Variants in NOS1AP observed in about 807,000 individuals in gnomAD.
NOS1AP encodes the protein carboxyl-terminal PDZ ligand of neuronal nitric oxide synthase protein.
NOS1AP carries 21 observed loss-of-function variants against 56.2 expected under a neutral mutation model. The ratio of observed to expected loss-of-function variants is 0.37; its 90% CI spans 0.26 to 0.54. NOS1AP has a LOEUF of 0.54. Among genes scored for constraint, NOS1AP ranks in the 20% least tolerant of loss-of-function variants. The probability of loss-of-function intolerance (pLI) is 0.84; values close to 1 mark genes in which losing one functional copy is unlikely to be tolerated. For synonymous variants in NOS1AP, 270 were observed against 274.6 expected (o/e 0.98, Z 0.17); for missense variants, 522 against 657.8 (o/e 0.79, Z 2.26).
intron 2 of NOS1AP, among the ~76,000 whole-genome samples, chr1:162,195,374 C>G (rs1651772344): frequency 6.6e-6 from 1 of 152,054 alleles, no homozygotes; most frequent in Non-Finnish European, 1.5e-5. Flanking sequence ...CTTGCTTTCT[C>G]TCTACGAGGC....
At chr1:162,302,206 T>C (rs556920699) in intron 4 of NOS1AP, among the ~76,000 whole-genome samples, 1 of 152,332 alleles carries the variant, frequency 6.6e-6, no homozygotes, top group East Asian at 1.9e-4. Context: ...CCTGTTAGGC[T>C]CTTGAGGGAA....
At position 162,326,770 on chromosome 1, in the gene NOS1AP, C is replaced by T. The variant is rs568424438; in HGVS notation, c.345-6247C>T. On this transcript the variant is annotated intron_variant, in intron 4 of 9. Transcript: ENST00000361897. ...TCAAAGCAATCAGGCAGGAGGCATT[C>T]CCTCTTACTCAACCTGTTTGTTCTA... is the stretch of plus-strand genomic sequence containing the variant. 8.6e-4 allele frequency among the ~76,000 whole-genome samples: 131 copies of T among 152,274 alleles called. 1 individual carries two copies. The highest frequency in any genetic ancestry group is 2.5e-3 in the Admixed American group (39 of 15,308).
intron 2 of NOS1AP, among the ~76,000 whole-genome samples, chr1:162,279,466 C>T (rs908103682): frequency 2.0e-5 from 3 of 152,182 alleles, no homozygotes; most frequent in Non-Finnish European, 2.9e-5. Flanking sequence ...CCTCACAGAA[C>T]ATCTGTGTGT....
chr1:162,282,195 T>A (rs771511257), intron 2 of NOS1AP, among the ~76,000 whole-genome samples: 1 of 152,194 alleles, frequency 6.6e-6, no homozygotes, highest in Non-Finnish European at 1.5e-5. Flanking sequence ...CCACCATCCA[T>A]CTCCAGAACT....
In NOS1AP at chr1:162,230,887, A is replaced by G. The variant is rs550272369; in HGVS notation, c.178-56457A>G. Among the ~76,000 whole-genome samples the G allele has an allele frequency of 1.2e-4, 18 of 152,322 alleles. 1 individual carries two copies. The highest frequency in any genetic ancestry group is 4.3e-4 in the African/African-American group (18 of 41,582). ...TAGCATATTTTGTGTATACATTCAT[A>G]TGTCAATGGATTGGCTGGGTTGCTT... On this transcript the variant is annotated intron_variant, in intron 2 of 9. Transcript: ENST00000361897.
chr1:162,171,942 T>G (rs1393532683), intron 2 of NOS1AP, among the ~76,000 whole-genome samples: 1 of 152,188 alleles, frequency 6.6e-6, no homozygotes, highest in Non-Finnish European at 1.5e-5. Context: ...TAAGCCACCT[T>G]AACCCGTTAA....
chr1:162,276,080 A>G (rs1299402719), intron 2 of NOS1AP, among the ~76,000 whole-genome samples: 3 of 152,232 alleles, frequency 2.0e-5, no homozygotes, highest in African/African-American at 7.2e-5. Flanking sequence ...CAAAGATCAC[A>G]TAGCTCTCAG....
At chr1:162,210,053 C>T (rs1012541925) in intron 2 of NOS1AP, among the ~76,000 whole-genome samples, 1 of 151,956 alleles carries the variant, frequency 6.6e-6, no homozygotes, top group Non-Finnish European at 1.5e-5. Flanking sequence ...GTTAATTTTT[C>T]CTTATTATTT....
At chr1:162,140,483 C>T (rs1463719431) in intron 1 of NOS1AP, among the ~76,000 whole-genome samples, 1 of 152,174 alleles carries the variant, frequency 6.6e-6, no homozygotes, top group Non-Finnish European at 1.5e-5. Context: ...TGATTTCTTT[C>T]TTTTTTTCAC....
In NOS1AP at chr1:162,261,438, A is replaced by C. The variant is rs1291089539; in HGVS notation, c.178-25906A>C. 1.8e-5 allele frequency among the ~76,000 whole-genome samples: 2 copies of C among 111,340 alleles called. 1 individual carries two copies. The highest frequency in any genetic ancestry group is 3.5e-5 in the Non-Finnish European group (2 of 57,740). 73.0% of individuals were successfully genotyped at this position (111,340 alleles called of 152,430 possible). ...CAGGTGGGCTCAATCTAATCACAAG[A>C]GTCCTTATAGAAGAGAGGCAGCGGG... On this transcript the variant is annotated intron_variant, in intron 2 of 9. Coordinates refer to ENST00000361897, the MANE Select transcript of NOS1AP (RefSeq NM_014697.3).
intron 8 of NOS1AP, chr1:162,364,457 A>G (rs1658002950): frequency 2.0e-6 from 2 of 985,372 alleles, no homozygotes; most frequent in South Asian, 4.7e-5. Context: ...TCTTCAAACC[A>G]GGGTCCTGGT....
chr1:162,128,346 TACTTTCTATTGTGTTGC>T (rs1648582042), intron 1 of NOS1AP, among the ~76,000 whole-genome samples: 1 of 152,164 alleles, frequency 6.6e-6, no homozygotes, highest in East Asian at 1.9e-4. Context: ...TTTTTAAAAA[TACTTTCTATTGTGTTGC>T]ATTTTCTATT....
intron 2 of NOS1AP, among the ~76,000 whole-genome samples, chr1:162,254,276 G>C (rs1229624775): frequency 6.6e-6 from 1 of 152,096 alleles, no homozygotes; most frequent in Non-Finnish European, 1.5e-5. Flanking sequence ...TGTATCAGGG[G>C]CTATAGTTTA....
At chr1:162,181,421 C>G (rs1651256747) in intron 2 of NOS1AP, among the ~76,000 whole-genome samples, 1 of 152,082 alleles carries the variant, frequency 6.6e-6, no homozygotes, top group African/African-American at 2.4e-5. Context: ...CTCAGTCTAG[C>G]CTAAGAATTA....
rs577890486 is a variant in NOS1AP at position 162,101,213 on chromosome 1, T to C, written c.105+30931T>C. Among the ~76,000 whole-genome samples the C allele has an allele frequency of 4.6e-5, 7 of 152,274 alleles. No homozygotes were observed. In the South Asian group the frequency reaches 1.0e-3, roughly 23 times the overall value. On this transcript the variant is annotated intron_variant, in intron 1 of 9. Coordinates refer to ENST00000361897, the MANE Select transcript of NOS1AP (RefSeq NM_014697.3). ...TAGGGAATCTTTTCCCCATTGTTTGTTTTTGTCAGGTTTGTTGAAGATCAG... is the reference window on the plus strand; with the variant it reads ...TAGGGAATCTTTTCCCCATTGTTTGCTTTTGTCAGGTTTGTTGAAGATCAG...
At chr1:162,199,110 ATCC>A (rs1030629331) in intron 2 of NOS1AP, among the ~76,000 whole-genome samples, 1 of 152,162 alleles carries the variant, frequency 6.6e-6, no homozygotes, top group Non-Finnish European at 1.5e-5. Context: ...AAGCCTTGCA[ATCC>A]TCCTGTTTCT....
At chr1:162,330,668 G>T (rs193153764) in intron 4 of NOS1AP, among the ~76,000 whole-genome samples, 218 of 152,314 alleles carry the variant, frequency 1.4e-3, no homozygotes, top group African/African-American at 4.9e-3. Context: ...AGAGGAAAAT[G>T]ATGGGATGTA....
At position 162,070,029 on chromosome 1, in the gene NOS1AP, G is replaced by A. The variant is rs1328979615; in HGVS notation, c.-149G>A. On this transcript the variant is annotated 5_prime_UTR_variant, in exon 1 of 10. Transcript: ENST00000361897. ...GGCCCTCGGCACCGCTCCGGGTCCG[G>A]CCGCCGCGCGGCCAGGGCTCCCCCT... The A allele has an allele frequency of 8.2e-6, 4 of 484,890 alleles. No individual in the cohort carries two copies. Among genetic ancestry groups the A allele is most frequent in the Admixed American group, 4.7e-5 (1 of 21,396 alleles). The allele number at this position is 484,890 out of a possible 1,614,324, so 30.0% of individuals were successfully genotyped here.
intron 3 of NOS1AP, among the ~76,000 whole-genome samples, chr1:162,294,967 A>ACTGCTG (rs1167178801): frequency 1.3e-5 from 2 of 152,160 alleles, no homozygotes; most frequent in South Asian, 2.1e-4. Flanking sequence ...TGGCCTCACC[A>ACTGCTG]CTGCTGCTGC....
Sources: gnomAD v4.1 joint callset for allele counts (sites outside exome capture counted in the v4.1 genomes callset) on GRCh38, gnomAD v4.1.1 for gene constraint, MANE v1.5 for transcripts, NCBI Gene and HGNC (gene_info 2026-07-23, HGNC 2026-07-21) for gene names.